DACH1: variants seen among roughly 807,000 people sequenced by gnomAD.
The protein encoded by DACH1 is dachshund homolog 1.
In DACH1, 12 loss-of-function variants were observed where a neutral mutation model predicts 54.2. The ratio of observed to expected loss-of-function variants is 0.22; its 90% CI spans 0.14 to 0.36. The LOEUF is 0.36. Ranked by LOEUF, DACH1 falls within the 10% of genes least tolerant of loss-of-function variation. DACH1 has a pLI of 1.00. For missense variants in DACH1, 805 were observed against 929.8 expected (o/e 0.87, Z 1.75); for synonymous variants, 386 against 366.2 (o/e 1.05, Z -0.62).
chr13:71,508,640 T>A (rs1310444298), intron 6 of DACH1, among the ~76,000 whole-genome samples: 1 of 151,822 alleles, frequency 6.6e-6, no homozygotes, highest in Non-Finnish European at 1.5e-5. Context: ...CTTTTTTTTT[T>A]AGTTTTTGTA....
At chr13:71,550,477 A>C (rs552683159) in intron 6 of DACH1, among the ~76,000 whole-genome samples, 10 of 152,290 alleles carry the variant, frequency 6.6e-5, no homozygotes, top group Middle Eastern at 3.4e-3. Flanking sequence ...GAGAAACTTG[A>C]AAGTTCAGTG....
At chr13:71,567,731 T>G (rs896202251) in intron 4 of DACH1, among the ~76,000 whole-genome samples, 1 of 152,064 alleles carries the variant, frequency 6.6e-6, no homozygotes, top group African/African-American at 2.4e-5. Context: ...TCACACTGGT[T>G]GGAGGTGATA....
At chr13:71,780,543 T>G (rs1183214428) in intron 1 of DACH1, among the ~76,000 whole-genome samples, 1 of 151,938 alleles carries the variant, frequency 6.6e-6, no homozygotes, top group Non-Finnish European at 1.5e-5. Context: ...GATAGAATTA[T>G]CAGTGTTGAA....
intron 3 of DACH1, among the ~76,000 whole-genome samples, chr13:71,576,087 T>C (rs1443176195): frequency 6.6e-6 from 1 of 152,038 alleles, no homozygotes; most frequent in Non-Finnish European, 1.5e-5. Context: ...CACAAACATA[T>C]ATACACACAT....
chr13:71,859,072 G>A (rs1874187974), intron 1 of DACH1, among the ~76,000 whole-genome samples: 1 of 151,674 alleles, frequency 6.6e-6, no homozygotes. Context: ...ATTAAACAAT[G>A]ACATAGTGAG....
chr13:71,780,277 A>C (rs1886317579), intron 1 of DACH1, among the ~76,000 whole-genome samples: 1 of 152,178 alleles, frequency 6.6e-6, no homozygotes. Flanking sequence ...GAGGCATTTT[A>C]GAGTTTTTTC....
chr13:71,766,721 T>C (rs780631285), intron 1 of DACH1, among the ~76,000 whole-genome samples: 3 of 152,086 alleles, frequency 2.0e-5, no homozygotes, highest in Admixed American at 1.3e-4. Context: ...AAAATTAATA[T>C]CTTGAAGTTC....
At chr13:71,638,205 A>C (rs1020677307) in intron 2 of DACH1, among the ~76,000 whole-genome samples, 1 of 152,178 alleles carries the variant, frequency 6.6e-6, no homozygotes, top group African/African-American at 2.4e-5. Flanking sequence ...TAAGTTATTT[A>C]TGTCTGGCAT....
intron 1 of DACH1, among the ~76,000 whole-genome samples, chr13:71,771,794 ACT>A (rs1311542118): frequency 6.6e-6 from 1 of 150,902 alleles, no homozygotes; most frequent in Admixed American, 6.6e-5. Flanking sequence ...ATACACACAC[ACT>A]CTTTATCTCA....
intron 1 of DACH1, among the ~76,000 whole-genome samples, chr13:71,714,801 A>T (rs907065433): frequency 1.3e-5 from 2 of 152,096 alleles, no homozygotes; most frequent in African/African-American, 4.8e-5. Flanking sequence ...TTTTTTAAAA[A>T]TGTATTTTAA....
At chr13:71,852,132 AG>A (rs1873709114) in intron 1 of DACH1, among the ~76,000 whole-genome samples, 1 of 152,348 alleles carries the variant, frequency 6.6e-6, no homozygotes, top group South Asian at 2.1e-4. Context: ...GACAGACAAA[AG>A]CTCAAATGTA....
intron 1 of DACH1, 72 bp from the exon 2 acceptor site, chr13:71,681,982 T>G: frequency 1.1e-6 from 1 of 872,714 alleles, no homozygotes; most frequent in Non-Finnish European, 1.8e-6. Flanking sequence ...TTGTTTCAAG[T>G]GGTAACATGG....
chr13:71,517,159 G>A (rs1881223473), intron 6 of DACH1, among the ~76,000 whole-genome samples: 1 of 151,774 alleles, frequency 6.6e-6, no homozygotes, highest in South Asian at 2.1e-4. Flanking sequence ...GAGACTGGGT[G>A]ACTCAATGGA....
intron 10 of DACH1, among the ~76,000 whole-genome samples, chr13:71,450,872 A>T (rs1417285936): frequency 6.6e-6 from 1 of 152,108 alleles, no homozygotes; most frequent in Non-Finnish European, 1.5e-5. Context: ...ATTCTGTTCT[A>T]TGAAGGTTAA....
intron 3 of DACH1, among the ~76,000 whole-genome samples, chr13:71,602,922 T>C (rs1466861734): frequency 6.6e-6 from 1 of 151,990 alleles, no homozygotes; most frequent in Non-Finnish European, 1.5e-5. Context: ...AATGTTTTCA[T>C]TGAGAATGTG....
intron 3 of DACH1, among the ~76,000 whole-genome samples, chr13:71,627,810 C>T (rs1289558014): frequency 6.6e-6 from 1 of 152,026 alleles, no homozygotes; most frequent in African/African-American, 2.4e-5. Context: ...GCCCTGAAAT[C>T]TCCTCACAGG....
intron 1 of DACH1, among the ~76,000 whole-genome samples, chr13:71,763,048 A>AAC (rs1332364662): frequency 1.3e-5 from 2 of 152,146 alleles, no homozygotes; most frequent in Non-Finnish European, 2.9e-5. Context: ...CTGGTATCTT[A>AAC]ACACTCTCTG....
At chr13:71,457,412 A>T (rs748503017) in intron 10 of DACH1, among the ~76,000 whole-genome samples, 1 of 152,050 alleles carries the variant, frequency 6.6e-6, no homozygotes, top group South Asian at 2.1e-4. Flanking sequence ...ATGTATTTTT[A>T]TCATTCACTA....
At chr13:71,502,689 G>C (rs1001573069) in intron 6 of DACH1, among the ~76,000 whole-genome samples, 2 of 152,156 alleles carry the variant, frequency 1.3e-5, no homozygotes, top group African/African-American at 4.8e-5. Flanking sequence ...TTCTGCATTT[G>C]TCCCAATTTA....
Sources: gnomAD v4.1 joint callset for allele counts (sites outside exome capture counted in the v4.1 genomes callset) on GRCh38, gnomAD v4.1.1 for gene constraint, MANE v1.5 for transcripts, NCBI Gene and HGNC (gene_info 2026-07-23, HGNC 2026-07-21) for gene names.